The following CDKN2B-AS1 variants were observed in gnomAD, a reference collection of about 807,000 sequenced individuals.
CDKN2B-AS1 encodes CDKN2B and CDKN2A antisense cis and trans regulatory RNA 1.
chr9:22,102,278 A>G (rs1194908680), intron 4 of CDKN2B-AS1, among the ~76,000 whole-genome samples: 1 of 152,152 alleles, frequency 6.6e-6, no homozygotes, highest in African/African-American at 2.4e-5. Context: ...AAAATTATCT[A>G]GGATACTAAA....
At chr9:22,098,685 G>T (rs910733102) in intron 4 of CDKN2B-AS1, among the ~76,000 whole-genome samples, 4 of 152,062 alleles carry the variant, frequency 2.6e-5, no homozygotes, top group African/African-American at 9.7e-5. Flanking sequence ...GCCCTTTTAG[G>T]TTTATGTTCT....
chr9:22,093,738 A>T (rs1825177132), intron 4 of CDKN2B-AS1, among the ~76,000 whole-genome samples: 1 of 143,960 alleles, frequency 6.9e-6, no homozygotes, highest in African/African-American at 2.9e-5. Flanking sequence ...GGATTCCTGA[A>T]TACAGCACAC....
rs79376668 is a variant in CDKN2B-AS1 at position 22,038,434 on chromosome 9, T to C, written n.30-8317T>C. Among the ~76,000 whole-genome samples the C allele has an allele frequency of 8.6e-3, 1,308 of 152,156 alleles. 17 individuals are homozygous for C. Among genetic ancestry groups the C allele is most frequent in the African/African-American group, 0.03 (1,244 of 41,564 alleles). On this transcript the variant is annotated intron_variant and non_coding_transcript_variant, in intron 1 of 4. Transcript: ENST00000650946. ...ATTTGATAAATCTGTTCAAGATTTA[T>C]GAGCTCAAAGAAACCACAAAGTGCA...
At chr9:22,057,579 T>G (rs1376749323) in intron 4 of CDKN2B-AS1, among the ~76,000 whole-genome samples, 1 of 151,216 alleles carries the variant, frequency 6.6e-6, no homozygotes, top group African/African-American at 2.4e-5. Flanking sequence ...GAGGCCAAGG[T>G]GGGCTGATTG....
intron 4 of CDKN2B-AS1, among the ~76,000 whole-genome samples, chr9:22,122,827 T>G (rs1259798211): frequency 6.6e-6 from 1 of 152,194 alleles, no homozygotes; most frequent in African/African-American, 2.4e-5. Flanking sequence ...TGTCTGGTAG[T>G]GTGATAACTC....
At chr9:22,069,537 G>T (rs1293508947) in intron 4 of CDKN2B-AS1, among the ~76,000 whole-genome samples, 1 of 152,056 alleles carries the variant, frequency 6.6e-6, no homozygotes, top group Non-Finnish European at 1.5e-5. Context: ...TTATTTAATA[G>T]ACATTATAGT....
Position 22,005,386 on chromosome 9 carries a change from CAG to C in CDKN2B-AS1, n.29+10230_29+10231del, listed in dbSNP as rs542878873. 9.5e-4 allele frequency: 233 copies of C among 245,178 alleles called. 2 individuals are homozygous for C. Among genetic ancestry groups the C allele is most frequent in the African/African-American group, 4.7e-3 (212 of 45,524 alleles). The allele number at this position is 245,178 out of a possible 1,614,324, so 15.2% of individuals were successfully genotyped here. ...GTTGGGCGAGGGTCTCCAGGGCTTCCAGAGAGTGTCGTTTACGCATGTGACTT... is the reference window on the plus strand; with the variant it reads ...GTTGGGCGAGGGTCTCCAGGGCTTCCAGAGTGTCGTTTACGCATGTGACTT... On this transcript the variant is annotated intron_variant and non_coding_transcript_variant, in intron 1 of 4. Transcript: ENST00000650946. The surrounding 1 kb of genome is among the most constrained non-coding windows in gnomAD (Gnocchi z 4.9).
intron 1 of CDKN2B-AS1, among the ~76,000 whole-genome samples, chr9:22,010,240 T>G (rs1045170428): frequency 6.6e-6 from 1 of 152,222 alleles, no homozygotes; most frequent in Non-Finnish European, 1.5e-5. Context: ...CAAGTGCTTT[T>G]TTTCCCCTTC....
chr9:22,008,599 T>C, intron 1 of CDKN2B-AS1: 1 of 1,499,304 alleles, frequency 6.7e-7, no homozygotes, highest in Non-Finnish European at 9.0e-7. Flanking sequence ...AAAAAAAGCT[T>C]AAACAGTGGG....
chr9:22,085,786 C>G (rs1824851795), intron 4 of CDKN2B-AS1, among the ~76,000 whole-genome samples: 1 of 151,504 alleles, frequency 6.6e-6, no homozygotes, highest in East Asian at 1.9e-4. Context: ...ACTACTGATC[C>G]TTGACCTCCC....
At chr9:22,101,658 C>A (rs72652473) in intron 4 of CDKN2B-AS1, among the ~76,000 whole-genome samples, 7,346 of 132,256 alleles carry the variant, frequency 0.056, 637 homozygotes, top group African/African-American at 0.21. Context: ...CAACCCTAAC[C>A]CTCTTCAACA....
intron 1 of CDKN2B-AS1, among the ~76,000 whole-genome samples, chr9:22,041,119 A>G (rs1466098453): frequency 6.6e-6 from 1 of 152,036 alleles, no homozygotes; most frequent in East Asian, 1.9e-4. Flanking sequence ...TGTACCAGAA[A>G]TGTTGATGGT....
intron 4 of CDKN2B-AS1, among the ~76,000 whole-genome samples, chr9:22,116,511 A>G (rs1318881660): frequency 6.6e-6 from 1 of 152,236 alleles, no homozygotes; most frequent in African/African-American, 2.4e-5. Context: ...AGCAGGAAGG[A>G]AAATATAGCC....
In CDKN2B-AS1 at chr9:21,999,179, G is replaced by T. The variant is rs1367607017; in HGVS notation, n.29+4018G>T. On this transcript the variant is annotated intron_variant and non_coding_transcript_variant, in intron 1 of 4. Transcript: ENST00000650946. The surrounding 1 kb of genome is among the most constrained non-coding windows in gnomAD (Gnocchi z 4.7). ...CAACTTGGTGTAATTGTTTTGAAAG[G>T]CAGCATTACAATATCTAGTCAAAAC... Among the ~76,000 whole-genome samples the T allele has an allele frequency of 1.3e-5, 2 of 151,910 alleles. No individual in the cohort carries two copies. Among genetic ancestry groups the T allele is most frequent in the South Asian group, 2.1e-4 (1 of 4,828 alleles).
chr9:22,091,995 C>T (rs1335537952), intron 4 of CDKN2B-AS1, among the ~76,000 whole-genome samples: 2 of 152,098 alleles, frequency 1.3e-5, no homozygotes, highest in African/African-American at 4.8e-5. Context: ...GAGATACATC[C>T]CATCAATACC....
intron 1 of CDKN2B-AS1, among the ~76,000 whole-genome samples, chr9:22,026,963 C>G (rs1160183724): frequency 1.3e-5 from 2 of 152,160 alleles, no homozygotes; most frequent in African/African-American, 2.4e-5. Context: ...TCCCTTGACT[C>G]CACGTCTTTC....
intron 1 of CDKN2B-AS1, chr9:22,004,947 G>T (rs1158480351): frequency 4.3e-6 from 1 of 233,156 alleles, no homozygotes; most frequent in Non-Finnish European, 8.5e-6. Context: ...CAGTGCCATT[G>T]CTACATTTAA....
At chr9:22,117,582 GA>G (rs1270848412) in intron 4 of CDKN2B-AS1, 1 of 152,194 alleles carries the variant, frequency 6.6e-6, no homozygotes, top group Non-Finnish European at 1.5e-5. Context: ...ATTTAAATAG[GA>G]AAAAACAGGG....
rs544085281 is a variant in CDKN2B-AS1 at position 22,008,792 on chromosome 9, A to C, written n.29+13631A>C. On this transcript the variant is annotated intron_variant and non_coding_transcript_variant, in intron 1 of 4. Coordinates refer to ENST00000650946, the Ensembl canonical transcript of CDKN2B-AS1. ...CCTGCCGGCGAGGCCCTGGGGCCCC[A>C]GCTACCTGGATCGCGCGCCTCCCGA... The C allele has an allele frequency of 9.8e-5, 158 of 1,606,646 alleles. 1 individual carries two copies. Among genetic ancestry groups the C allele is most frequent in the South Asian group, 7.9e-4 (72 of 90,670 alleles).
Sources: gnomAD v4.1 joint callset for allele counts (sites outside exome capture counted in the v4.1 genomes callset) on GRCh38, gnomAD v4.1.1 for gene constraint, Gnocchi (gnomAD v3.1) non-coding constraint, MANE v1.5 for transcripts, NCBI Gene and HGNC (gene_info 2026-07-23, HGNC 2026-07-21) for gene names.